FRMD4A: variants seen among roughly 807,000 people sequenced by gnomAD.
FRMD4A encodes the protein FERM domain-containing protein 4A.
Under a neutral mutation model 129.1 loss-of-function variants are expected in FRMD4A, and 29 were observed. The ratio of observed to expected loss-of-function variants is 0.22; its 90% CI spans 0.17 to 0.31. The LOEUF is 0.31. FRMD4A is among the 10% of genes least tolerant of loss of function. The pLI is 1.00. For missense variants in FRMD4A, 1,272 were observed against 1,375.8 expected, an observed-to-expected ratio of 0.92 and a Z score of 1.19; for synonymous variants, 634 against 571.6, an observed-to-expected ratio of 1.11 and a Z score of -1.56.
At chr10:13,850,469 T>C (rs1564909378) in intron 3 of FRMD4A, among the ~76,000 whole-genome samples, 1 of 152,210 alleles carries the variant, frequency 6.6e-6, no homozygotes, top group Non-Finnish European at 1.5e-5. Context: ...CTTCCACACC[T>C]GCTAGCCCGA....
chr10:14,105,753 A>G (rs76014767), intron 2 of FRMD4A, among the ~76,000 whole-genome samples: 1,936 of 152,100 alleles, frequency 0.013, 34 homozygotes, highest in African/African-American at 0.044. Context: ...AGATTTCCCC[A>G]ATTTCTTCCT....
At chr10:13,925,734 C>T (rs1007187551) in intron 2 of FRMD4A, among the ~76,000 whole-genome samples, 1 of 151,470 alleles carries the variant, frequency 6.6e-6, no homozygotes, top group Non-Finnish European at 1.5e-5. Flanking sequence ...CAGGCACGCA[C>T]CACCACGCCT....
rs1307185116 is a variant in FRMD4A at position 13,915,333 on chromosome 10, G to A, written c.46-56421C>T. ...TCGAGATTAGATGTGTTAAGTGCTG[G>A]TGCATGGAAGGAGGACCAACTAAGT... On this transcript the variant is annotated intron_variant, in intron 2 of 24. Transcript: ENST00000357447. 3.3e-5 allele frequency among the ~76,000 whole-genome samples: 5 copies of A among 152,066 alleles called. 1 individual carries two copies. In the Middle Eastern group the frequency reaches 0.01, roughly 310 times the overall value.
At chr10:14,214,030 A>C (rs7915761) in intron 2 of FRMD4A, among the ~76,000 whole-genome samples, 1 of 152,124 alleles carries the variant, frequency 6.6e-6, no homozygotes, top group Admixed American at 6.5e-5. Context: ...GTTCCCCTGC[A>C]CAAGCTCTCT....
At chr10:14,153,683 C>A (rs1470071730) in intron 2 of FRMD4A, among the ~76,000 whole-genome samples, 5 of 152,154 alleles carry the variant, frequency 3.3e-5, no homozygotes, top group Non-Finnish European at 5.9e-5. Flanking sequence ...TGCGCCTGCT[C>A]CCCTCCCGTC....
At chr10:14,155,746 G>A (rs1391729711) in intron 2 of FRMD4A, among the ~76,000 whole-genome samples, 1 of 152,146 alleles carries the variant, frequency 6.6e-6, no homozygotes, top group Admixed American at 6.5e-5. Context: ...GAAAGAGTGA[G>A]AGTGGTTGGA....
At chr10:14,162,069 A>T (rs1340511066) in intron 2 of FRMD4A, among the ~76,000 whole-genome samples, 1 of 151,400 alleles carries the variant, frequency 6.6e-6, no homozygotes. Flanking sequence ...ATATATTTTC[A>T]TGTCATCATG....
chr10:14,020,271 T>C (rs1162985203), intron 2 of FRMD4A, among the ~76,000 whole-genome samples: 3 of 152,158 alleles, frequency 2.0e-5, no homozygotes, highest in Non-Finnish European at 4.4e-5. Flanking sequence ...TGACAACTAA[T>C]TATGAAACAC....
chr10:13,737,772 T>C, intron 12 of FRMD4A, 72 bp downstream of exon 12: 1 of 847,428 alleles, frequency 1.2e-6, no homozygotes, highest in Non-Finnish European at 2.0e-6. Context: ...GTTAGCATTT[T>C]TAAAGTGACT....
At chr10:13,767,793 G>A (rs1371539864) in intron 6 of FRMD4A, among the ~76,000 whole-genome samples, 1 of 152,148 alleles carries the variant, frequency 6.6e-6, no homozygotes, top group Admixed American at 6.5e-5. Flanking sequence ...GCTCTGCGGT[G>A]AAGCCCCCCG....
At chr10:14,099,443 G>C (rs950728710) in intron 2 of FRMD4A, among the ~76,000 whole-genome samples, 1 of 152,174 alleles carries the variant, frequency 6.6e-6, no homozygotes, top group Non-Finnish European at 1.5e-5. Context: ...TACGTGCATA[G>C]CCATCCCTCG....
chr10:13,967,543 T>A (rs540340974), intron 2 of FRMD4A, among the ~76,000 whole-genome samples: 18 of 152,164 alleles, frequency 1.2e-4, no homozygotes, highest in South Asian at 6.2e-4. Context: ...TAAGAAATTT[T>A]AAAAAAACAA....
intron 3 of FRMD4A, among the ~76,000 whole-genome samples, chr10:13,816,446 TG>T (rs2093543965): frequency 6.6e-6 from 1 of 152,166 alleles, no homozygotes; most frequent in Non-Finnish European, 1.5e-5. Context: ...ACAGAGACAT[TG>T]GGGGTTGTTT....
At chr10:14,035,077 C>A (rs2131666543) in intron 2 of FRMD4A, among the ~76,000 whole-genome samples, 1 of 152,234 alleles carries the variant, frequency 6.6e-6, no homozygotes, top group South Asian at 2.1e-4. Flanking sequence ...GGGGGACCAA[C>A]CTATAGGGTT....
chr10:13,954,632 A>T (rs2095397140), intron 2 of FRMD4A, among the ~76,000 whole-genome samples: 1 of 152,156 alleles, frequency 6.6e-6, no homozygotes, highest in Non-Finnish European at 1.5e-5. Flanking sequence ...TTCCCCTTCC[A>T]GCACCATCAG....
intron 3 of FRMD4A, among the ~76,000 whole-genome samples, chr10:13,832,790 C>A (rs1399640007): frequency 6.6e-6 from 1 of 151,988 alleles, no homozygotes; most frequent in Non-Finnish European, 1.5e-5. Context: ...GAGGTGAATG[C>A]CACCACACCC....
chr10:13,724,108 G>T (rs565252461), intron 12 of FRMD4A, among the ~76,000 whole-genome samples: 1 of 152,342 alleles, frequency 6.6e-6, no homozygotes, highest in African/African-American at 2.4e-5. Context: ...AGATTTGTCA[G>T]CCGGGCGCGG....
intron 2 of FRMD4A, among the ~76,000 whole-genome samples, chr10:14,070,001 C>T (rs1172473268): frequency 2.0e-5 from 3 of 152,148 alleles, no homozygotes; most frequent in African/African-American, 4.8e-5. Context: ...CCTTAAAGAA[C>T]AAGTAGATCT....
intron 2 of FRMD4A, among the ~76,000 whole-genome samples, chr10:14,328,872 G>A (rs1344040700): frequency 6.6e-6 from 1 of 152,160 alleles, no homozygotes; most frequent in Non-Finnish European, 1.5e-5. Context: ...AAGAAGTCAG[G>A]TAATGGGTAA....
Sources: allele counts gnomAD v4.1 joint callset (sites outside exome capture counted in the v4.1 genomes callset), GRCh38; gene constraint gnomAD v4.1.1; transcripts MANE v1.5; gene names NCBI Gene and HGNC (gene_info 2026-07-23, HGNC 2026-07-21).